PRH1: variants seen among roughly 807,000 people sequenced by gnomAD.
The protein encoded by PRH1 is salivary acidic proline-rich phosphoprotein 1/2.
PRH1 carries 7 observed loss-of-function variants against 7.9 expected under a neutral mutation model. The ratio of observed to expected loss-of-function variants is 0.89; its 90% CI spans 0.50 to 1.67. PRH1 has a LOEUF of 1.67. Among genes scored for constraint, PRH1 ranks in the 40% most tolerant of loss-of-function variants. PRH1 has a pLI of 0.00. For synonymous variants in PRH1, 45 were observed against 80.8 expected, an observed-to-expected ratio of 0.56 and a Z score of 2.38; for missense variants, 109 against 223.6, an observed-to-expected ratio of 0.49 and a Z score of 3.27.
At chr12:11,041,466 C>T (rs572982065) in intron 1 of PRH1, among the ~76,000 whole-genome samples, 2 of 152,128 alleles carry the variant, frequency 1.3e-5, no homozygotes, top group East Asian at 3.9e-4. Flanking sequence ...CACTGGAGCA[C>T]CCAGATATAT....
rs1396487031 is a variant in PRH1 at position 10,929,482 on chromosome 12, G to T, written c.-59+44173C>A. ...CATGCCAAGGATCAGAAGACCTGTT[G>T]TGCCTTCATTCCTCATCAAGACCTC... On this transcript the variant is annotated intron_variant, in intron 2 of 3. Transcript: ENST00000539853. 31 of 964,410 alleles carry T rather than the reference G, an allele frequency of 3.2e-5. No individual in the cohort carries two copies. The Middle Eastern group carries it at 6.5e-4, about 20-fold the overall frequency. The allele number at this position is 964,410 out of a possible 1,614,324, so 59.7% of individuals were successfully genotyped here.
intron 1 of PRH1, among the ~76,000 whole-genome samples, chr12:11,072,936 T>C (rs1944139243): frequency 6.6e-6 from 1 of 151,912 alleles, no homozygotes; most frequent in East Asian, 1.9e-4. Context: ...TGTTAATTTA[T>C]TAATAATGTT....
intron 1 of PRH1, chr12:11,021,894 T>G (rs2136073677): frequency 3.1e-6 from 5 of 1,614,210 alleles, no homozygotes; most frequent in East Asian, 4.5e-5. Flanking sequence ...TTTGCAAAGC[T>G]TTTATATGGA....
intron 1 of PRH1, chr12:11,030,279 T>C (rs75749634): frequency 3.3e-6 from 4 of 1,198,632 alleles, no homozygotes; most frequent in Middle Eastern, 2.1e-4. Flanking sequence ...TCAAAGGCTT[T>C]TCTAGGTATA....
At chr12:11,041,288 C>CAAAAAAAAAAAAAAAAA (rs67144212) in intron 1 of PRH1, among the ~76,000 whole-genome samples, 2 of 81,392 alleles carry the variant, frequency 2.5e-5, no homozygotes, top group East Asian at 4.1e-4. Context: ...CAATGCAAAC[C>CAAAAAAAAAAAAAAAAA]AAAAAAAAAA....
At chr12:10,882,132 A>G in intron 3 of PRH1, 85 bp downstream of exon 3, 1 of 1,577,170 alleles carries the variant, frequency 6.3e-7, no homozygotes, top group Non-Finnish European at 8.6e-7. Flanking sequence ...CAATATTAAC[A>G]GGTTTTCAGA....
intron 1 of PRH1, among the ~76,000 whole-genome samples, chr12:11,153,919 C>G (rs1435008908): frequency 1.3e-5 from 2 of 151,958 alleles, no homozygotes; most frequent in Admixed American, 1.3e-4. Flanking sequence ...ACAGATATTA[C>G]CCCCAAAAAA....
intron 1 of PRH1, among the ~76,000 whole-genome samples, chr12:11,115,656 A>G (rs1378111226): frequency 6.6e-6 from 1 of 152,166 alleles, no homozygotes; most frequent in Non-Finnish European, 1.5e-5. Context: ...TCACAAAACA[A>G]GTCTTGAACA....
chr12:11,119,512 T>A (rs1390089237), downstream of PRH1, among the ~76,000 whole-genome samples: 2 of 152,158 alleles, frequency 1.3e-5, no homozygotes, highest in Non-Finnish European at 2.9e-5. Flanking sequence ...TGCATGCCTG[T>A]ATCAACACAT....
intron 1 of PRH1, among the ~76,000 whole-genome samples, chr12:11,094,938 G>T (rs1945043383): frequency 1.2e-5 from 1 of 82,532 alleles, no homozygotes; most frequent in Non-Finnish European, 2.8e-5. Flanking sequence ...ATTTATAATG[G>T]TTATTTCCTC....
At chr12:11,052,927 T>G (rs1167142892) in intron 1 of PRH1, among the ~76,000 whole-genome samples, 1 of 127,270 alleles carries the variant, frequency 7.9e-6, no homozygotes, top group African/African-American at 2.7e-5. Context: ...TTTTTTGATT[T>G]TTTGTTTTTT....
Position 11,106,229 on chromosome 12 carries a change from C to T in PRH1, n.124-59041G>A, listed in dbSNP as rs1216338132. On this transcript the variant is annotated intron_variant and non_coding_transcript_variant, in intron 1 of 4. Coordinates refer to the PRH1 transcript ENST00000541977. The stretch of plus-strand genomic sequence containing the variant: ...TGCTGGGATTACAGGCGTGAGCCAC[C>T]GCGCCCGGCCATAACTTATTCTTAA... Among the ~76,000 whole-genome samples the T allele has an allele frequency of 1.3e-4, 6 of 46,672 alleles. 2 individuals carry two copies. Among genetic ancestry groups the T allele is most frequent in the South Asian group, 3.9e-4 (1 of 2,560 alleles). The allele number at this position is 46,672 out of a possible 152,430, so 30.6% of individuals were successfully genotyped here. A position where few individuals can be genotyped will look rare whatever the true frequency, so the allele number is the denominator to read the frequency against.
chr12:11,120,396 C>A (rs1351080607), downstream of PRH1, among the ~76,000 whole-genome samples: 1 of 152,034 alleles, frequency 6.6e-6, no homozygotes, highest in Non-Finnish European at 1.5e-5. Flanking sequence ...AGCTGGGGCT[C>A]CCCTTTTCTG....
upstream of PRH1, chr12:11,171,595 A>T: frequency 8.2e-7 from 1 of 1,224,088 alleles, no homozygotes; most frequent in Non-Finnish European, 1.0e-6. Flanking sequence ...CTCCGGGGCC[A>T]GCATGATGGC....
At chr12:10,965,874 T>C (rs1163872123) in intron 2 of PRH1, among the ~76,000 whole-genome samples, 2 of 152,138 alleles carry the variant, frequency 1.3e-5, no homozygotes, top group Non-Finnish European at 2.9e-5. Flanking sequence ...ATAGACAAAA[T>C]CCAAACTTTT....
In PRH1 at chr12:10,883,227, T is replaced by G. The variant is rs541891520; in HGVS notation, c.65-131A>C. On this transcript the variant is annotated intron_variant, in intron 1 of 3. Transcript: ENST00000543626. ...CTTTGTGATCTCATCAGCCACTCTCTGATGCTACTGGAAGTGGAAGAAGAT... is the reference window on the plus strand; with the variant it reads ...CTTTGTGATCTCATCAGCCACTCTCGGATGCTACTGGAAGTGGAAGAAGAT... 2.2e-5 allele frequency: 23 copies of G among 1,031,350 alleles called. No individual in the cohort carries two copies. In the East Asian group the frequency reaches 5.3e-4, roughly 24 times the overall value. The allele number at this position is 1,031,350 out of a possible 1,614,324, so 63.9% of individuals were successfully genotyped here.
intron 2 of PRH1, among the ~76,000 whole-genome samples, chr12:10,971,015 T>C (rs965055904): frequency 6.6e-6 from 1 of 152,208 alleles, no homozygotes; most frequent in African/African-American, 2.4e-5. Context: ...CTTTTAAATA[T>C]TTTTATTATT....
rs114463974 is a variant in PRH1, at chr12:11,021,614, G to C, written c.-126+25406C>G. 2.2e-4 allele frequency: 279 copies of C among 1,293,970 alleles called. No homozygotes were observed. The African/African-American group carries it at 3.7e-3, about 17-fold the overall frequency. The allele number at this position is 1,293,970 out of a possible 1,614,324, so 80.2% of individuals were successfully genotyped here. On this transcript the variant is annotated intron_variant, in intron 1 of 3. Transcript: ENST00000539853. Reference sequence around the variant, plus strand: ...GACACCATCAGTTTGTTTTCTGCTAGAAGACCCACGATGCTCCCCTTGTGA... The same window carrying C: ...GACACCATCAGTTTGTTTTCTGCTACAAGACCCACGATGCTCCCCTTGTGA...
At chr12:10,911,246 G>A (rs1949895236) in intron 2 of PRH1, among the ~76,000 whole-genome samples, 1 of 152,102 alleles carries the variant, frequency 6.6e-6, no homozygotes, top group Admixed American at 6.6e-5. Flanking sequence ...CTGAGGAATG[G>A]TACTGTACTT....
Sources: allele counts gnomAD v4.1 joint callset (sites outside exome capture counted in the v4.1 genomes callset), GRCh38; gene constraint gnomAD v4.1.1; transcripts MANE v1.5; gene names NCBI Gene and HGNC (gene_info 2026-07-23, HGNC 2026-07-21).